Variants in DYSF observed in about 807,000 individuals in gnomAD.
DYSF encodes dystrophy-associated fer-1-like 1.
Under a neutral mutation model 274.9 loss-of-function variants are expected in DYSF, and 212 were observed. That is an observed-to-expected ratio of 0.77 (90% confidence interval 0.69 to 0.86). The LOEUF (loss-of-function observed/expected upper bound fraction) is 0.86, where lower values mean the gene tolerates loss of function less well. DYSF is among the 40% of genes least tolerant of loss of function. The probability of loss-of-function intolerance (pLI) is 0.00; values close to 1 mark genes in which losing one functional copy is unlikely to be tolerated. For synonymous variants in DYSF, 1,091 were observed against 1,078.7 expected, an observed-to-expected ratio of 1.01 and a Z score of -0.22; for missense variants, 2,666 against 2,783.2, an observed-to-expected ratio of 0.96 and a Z score of 0.95.
chr2:71,525,170 T>G (rs1329940595), intron 12 of DYSF, among the ~76,000 whole-genome samples: 1 of 152,064 alleles, frequency 6.6e-6, no homozygotes, highest in Non-Finnish European at 1.5e-5. Context: ...CTGTTTTAAT[T>G]GGTCTAGGGT....
At chr2:71,570,076 G>A in intron 27 of DYSF, 142 bp downstream of exon 27, 1 of 1,051,926 alleles carries the variant, frequency 9.5e-7, no homozygotes, top group Non-Finnish European at 1.5e-6. Context: ...AAGGGAAAGT[G>A]TGGGGTGCAG....
chr2:71,646,763 C>G (rs906989761), intron 42 of DYSF, among the ~76,000 whole-genome samples: 1 of 152,146 alleles, frequency 6.6e-6, no homozygotes, highest in Non-Finnish European at 1.5e-5. Flanking sequence ...ATGGACTAAA[C>G]TTCCCCATTA....
At position 71,578,271 on chromosome 2, in the gene DYSF, TG is replaced by T. The variant is rs978729987; in HGVS notation, c.3402+3904del. 1.1e-4 allele frequency among the ~76,000 whole-genome samples: 16 copies of T among 152,232 alleles called. 1 individual carries two copies. Among genetic ancestry groups the T allele is most frequent in the African/African-American group, 3.6e-4 (15 of 41,542 alleles). On this transcript the variant is annotated intron_variant, in intron 30 of 55. Transcript: ENST00000410020. Reference sequence around the variant, plus strand: ...TGAAGTACAAAGTGCCTCATCAAGATGGGGCTCCCATTGGCCCCCTACTTGG... The same window carrying T: ...TGAAGTACAAAGTGCCTCATCAAGATGGGCTCCCATTGGCCCCCTACTTGG...
intron 23 of DYSF, among the ~76,000 whole-genome samples, chr2:71,562,732 G>T (rs1443099576): frequency 6.6e-6 from 1 of 152,188 alleles, no homozygotes; most frequent in Non-Finnish European, 1.5e-5. Context: ...TGTGGAAGGG[G>T]AGAGGGAGGC....
intron 11 of DYSF, 81 bp from the exon 12 acceptor site, chr2:71,520,708 A>G (rs182589489): frequency 2.4e-5 from 29 of 1,195,698 alleles, no homozygotes; most frequent in Non-Finnish European, 3.2e-5. Flanking sequence ...TCCCCTGTGC[A>G]GTCCATCCTG....
chr2:71,466,260 G>T (rs543439790), upstream of DYSF, among the ~76,000 whole-genome samples: 6 of 152,326 alleles, frequency 3.9e-5, no homozygotes, highest in South Asian at 1.2e-3. Flanking sequence ...CCCCTTCAGC[G>T]CTCACTCAGA....
At chr2:71,567,906 G>A (rs762940064) in intron 24 of DYSF, 45 bp from the exon 25 acceptor site, 2 of 1,609,362 alleles carry the variant, frequency 1.2e-6, no homozygotes, top group East Asian at 2.2e-5. Flanking sequence ...GGGACATCCG[G>A]ATCCTGAAGG....
intron 14 of DYSF, among the ~76,000 whole-genome samples, chr2:71,534,279 C>T (rs570599972): frequency 3.9e-5 from 6 of 152,358 alleles, no homozygotes; most frequent in South Asian, 2.1e-4. Flanking sequence ...ACATGGAAAT[C>T]TACCAGGATC....
At chr2:71,493,168 A>C (rs1007589722) in intron 3 of DYSF, among the ~76,000 whole-genome samples, 16 of 152,250 alleles carry the variant, frequency 1.1e-4, no homozygotes, top group African/African-American at 3.8e-4. Context: ...GGATTACAGG[A>C]GGGAGCTACA....
chr2:71,666,767 T>G (rs1206956187), intron 47 of DYSF, among the ~76,000 whole-genome samples: 1 of 152,256 alleles, frequency 6.6e-6, no homozygotes, highest in African/African-American at 2.4e-5. Flanking sequence ...GCTGCTCTGC[T>G]GCTAGTTGTG....
At chr2:71,598,793 G>A (rs1248830916) in intron 33 of DYSF, 48 bp downstream of exon 33, 2 of 1,599,940 alleles carry the variant, frequency 1.3e-6, no homozygotes, top group Admixed American at 1.7e-5. Flanking sequence ...GAGGGACCAT[G>A]TGCAAAGGTG....
intron 2 of DYSF, 108 bp downstream of exon 2, chr2:71,481,046 G>A: frequency 9.0e-7 from 1 of 1,115,412 alleles, no homozygotes; most frequent in Non-Finnish European, 1.4e-6. Context: ...TGTCCTTGAG[G>A]TGGGGAGGGG....
chr2:71,601,820 C>T (rs763713755), intron 35 of DYSF, among the ~76,000 whole-genome samples: 7 of 152,186 alleles, frequency 4.6e-5, no homozygotes, highest in South Asian at 2.1e-4. Context: ...TTAGAATCTC[C>T]GGGACAGCAC....
intron 40 of DYSF, among the ~76,000 whole-genome samples, 172 bp downstream of exon 40, chr2:71,613,582 C>T (rs532026873): frequency 3.9e-5 from 6 of 152,260 alleles, no homozygotes; most frequent in African/African-American, 1.4e-4. Context: ...AGCTTTCAGT[C>T]TGGCTGAGGG....
At chr2:71,512,221 G>A (rs2086174193) in intron 5 of DYSF, among the ~76,000 whole-genome samples, 1 of 152,240 alleles carries the variant, frequency 6.6e-6, no homozygotes, top group Admixed American at 6.5e-5. Flanking sequence ...GGTGTTCTGA[G>A]CTGTGCAGTT....
intron 3 of DYSF, among the ~76,000 whole-genome samples, chr2:71,500,260 C>T (rs1277011613): frequency 6.6e-6 from 1 of 152,192 alleles, no homozygotes; most frequent in Non-Finnish European, 1.5e-5. Context: ...CCTCTCCTCC[C>T]TGAGCAATGC....
chr2:71,565,521 A>G (rs995690714), intron 24 of DYSF, among the ~76,000 whole-genome samples: 2 of 151,604 alleles, frequency 1.3e-5, no homozygotes, highest in East Asian at 1.9e-4. Context: ...CCCCTTCCCT[A>G]CATCTCTCCT....
chr2:71,468,662 C>A (rs1465766353), intron 1 of DYSF, among the ~76,000 whole-genome samples: 1 of 152,166 alleles, frequency 6.6e-6, no homozygotes, highest in Non-Finnish European at 1.5e-5. Flanking sequence ...CGTTTCAAGT[C>A]TATTTGTATT....
intron 1 of DYSF, among the ~76,000 whole-genome samples, chr2:71,470,902 C>T (rs2152655495): frequency 6.6e-6 from 1 of 151,570 alleles, no homozygotes; most frequent in African/African-American, 2.4e-5. Flanking sequence ...AGTGATTCTC[C>T]TGCCTCAGCC....
Sources: gnomAD v4.1 joint callset for allele counts (sites outside exome capture counted in the v4.1 genomes callset) on GRCh38, gnomAD v4.1.1 for gene constraint, MANE v1.5 for transcripts, NCBI Gene and HGNC (gene_info 2026-07-23, HGNC 2026-07-21) for gene names.